The following IQGAP3 variants were observed in gnomAD, a reference collection of about 807,000 sequenced individuals.
The protein encoded by IQGAP3 is IQ motif containing GTPase activating protein 3, also known as ras GTPase-activating-like protein IQGAP3.
A neutral mutation model predicts 208.2 loss-of-function variants in IQGAP3; 165 were observed. The ratio of observed to expected loss-of-function variants is 0.79; its 90% confidence interval spans 0.70 to 0.90. The LOEUF is 0.90. Among genes scored for constraint, IQGAP3 ranks in the 40% least tolerant of loss-of-function variants. IQGAP3 has a pLI of 0.00. For missense variants in IQGAP3, 1,811 were observed against 2,043.1 expected (o/e 0.89, Z 2.19); for synonymous variants, 703 against 803.6 (o/e 0.87, Z 2.12).
chr1:156,547,446 G>T lies in IQGAP3; in HGVS notation c.2304+627C>A, dbSNP rs547084377. Among the ~76,000 whole-genome samples, 13 of 148,682 alleles carry T rather than the reference G, an allele frequency of 8.7e-5. No homozygotes were observed. In the South Asian group the frequency reaches 2.3e-3, roughly 26 times the overall value. Reference sequence around the variant, plus strand: ...ACACAGACACACACACATTTTTAGAGACAGGGTCTCGCTCTGTTGCCCATG... The same window carrying T: ...ACACAGACACACACACATTTTTAGATACAGGGTCTCGCTCTGTTGCCCATG... On this transcript the variant is annotated intron_variant, in intron 19 of 37. Coordinates refer to ENST00000361170, the MANE Select transcript of IQGAP3 (RefSeq NM_178229.5).
chr1:156,528,435 T>C, intron 36 of IQGAP3, 74 bp downstream of exon 36: 1 of 1,057,474 alleles, frequency 9.5e-7, no homozygotes, highest in Non-Finnish European at 1.4e-6. Flanking sequence ...TTCCACCCGG[T>C]GCCCAGCCCA....
At chr1:156,564,569 G>A (rs552584881) in intron 5 of IQGAP3, 46 bp downstream of exon 5, 77 of 1,240,230 alleles carry the variant, frequency 6.2e-5, no homozygotes, top group South Asian at 4.4e-4. Context: ...ATTGTTGGTC[G>A]CATCCACCTA....
intron 5 of IQGAP3, among the ~76,000 whole-genome samples, chr1:156,564,377 T>A (rs1676304114): frequency 6.6e-6 from 1 of 152,110 alleles, no homozygotes; most frequent in African/African-American, 2.4e-5. Context: ...ACCCTGCTAC[T>A]TTCCTATCTC....
At chr1:156,526,947 T>C (rs150951072) in intron 37 of IQGAP3, among the ~76,000 whole-genome samples, 1,695 of 152,022 alleles carry the variant, frequency 0.011, 38 homozygotes, top group African/African-American at 0.039. Flanking sequence ...ATTTTCCTGC[T>C]TCAGCCTCCT....
chr1:156,561,911 A>T lies in IQGAP3; in HGVS notation c.968T>A (p.Leu323Gln). 6.2e-7 allele frequency: 1 copy of T among 1,613,938 alleles called. No homozygotes were observed. Among genetic ancestry groups the T allele is most frequent in the Non-Finnish European group, 8.5e-7 (1 of 1,179,940 alleles). Residue 323 changes from leucine to glutamine, a missense_variant, in exon 10 of 38, where the codon CTG becomes CAG. Transcript: ENST00000361170. ...AGCAAAGTCTCTCCTCACCCCTCGC[A>T]GGGCCAGGGCAGGGTCTTGAAGGGC... Reference protein sequence around the residue: ...LKALQDPALALRGVRRDFADW... With the variant: ...LKALQDPALAQRGVRRDFADW...
chr1:156,533,741 A>T, intron 31 of IQGAP3, 32 bp downstream of exon 31: 1 of 1,568,602 alleles, frequency 6.4e-7, no homozygotes, highest in Non-Finnish European at 8.8e-7. Flanking sequence ...CAGGTCCCCT[A>T]GCTGGCCTCA....
Position 156,530,277 on chromosome 1 carries a change from C to A in IQGAP3, c.4232G>T (p.Cys1411Phe). Reference protein sequence around the residue: ...HKQLMSRRQACTAQTPEPLRR... With the variant: ...HKQLMSRRQAFTAQTPEPLRR... ...CAGTGGCTCCGGTGTCTGGGCTGTA[C>A]AGGCCTGGCGTCGGCTCATCAGCTG... Residue 1411 changes from cysteine (C) to phenylalanine (F), a missense_variant, in exon 34 of 38, where the codon TGT becomes TTT. Coordinates refer to ENST00000361170, the MANE Select transcript of IQGAP3 (RefSeq NM_178229.5). 1 of 1,611,628 alleles carries A rather than the reference C, an allele frequency of 6.2e-7. No homozygotes were observed. Among genetic ancestry groups the A allele is most frequent in the Non-Finnish European group, 8.5e-7 (1 of 1,179,970 alleles).
intron 32 of IQGAP3, among the ~76,000 whole-genome samples, chr1:156,532,352 A>T (rs1213848278): frequency 2.1e-5 from 3 of 145,020 alleles, no homozygotes; most frequent in African/African-American, 5.2e-5. Context: ...GTGTCACTGC[A>T]CTCCAGCCTG....
At chr1:156,546,224 G>A (rs1032214584) in intron 19 of IQGAP3, among the ~76,000 whole-genome samples, 7 of 152,122 alleles carry the variant, frequency 4.6e-5, no homozygotes, top group African/African-American at 1.4e-4. Context: ...GATCCTGGAT[G>A]GGGTTCTGGC....
At chr1:156,549,573 T>C (rs866536385) in intron 16 of IQGAP3, among the ~76,000 whole-genome samples, 16 of 151,698 alleles carry the variant, frequency 1.1e-4, no homozygotes, top group African/African-American at 3.9e-4. Context: ...GCTTCAGAGG[T>C]TGCAGTGAAT....
Position 156,556,533 on chromosome 1 carries a change from C to G in IQGAP3, c.1290G>C (p.Gly430=). 6.2e-7 allele frequency: 1 copy of G among 1,614,044 alleles called. No homozygotes were observed. The highest frequency in any genetic ancestry group is 1.1e-5 in the South Asian group (1 of 91,070). The change falls in exon 12 of 38, where the codon GGG becomes GGC. Residue 430 remains glycine, a splice_region_variant and synonymous_variant. Transcript: ENST00000361170. The part of the protein sequence containing the change: ...LELAVLQQQQ[G]ELGQEELFVA... ...CTAGACCCACATTTCTGGGGCTTAC[C>G]CCCTGCTGCTGCTGGAGCACTGCCA...
chr1:156,547,953 AACC>A (rs1215690157), intron 19 of IQGAP3, 117 bp downstream of exon 19: 1 of 879,766 alleles, frequency 1.1e-6, no homozygotes, highest in Non-Finnish European at 1.7e-6. Flanking sequence ...CTATGCTTTT[AACC>A]ACTACTATTC....
intron 9 of IQGAP3, 86 bp downstream of exon 9, chr1:156,562,501 G>C: frequency 9.1e-7 from 1 of 1,093,408 alleles, no homozygotes. Context: ...GGGCTTTCTG[G>C]CTTGAGAAAA....
At chr1:156,561,111 C>A in intron 10 of IQGAP3, 90 bp from the exon 11 acceptor site, 2 of 837,042 alleles carry the variant, frequency 2.4e-6, no homozygotes, top group Non-Finnish European at 4.1e-6. Context: ...CCAGGTCTAC[C>A]CAGCCACCTA....
chr1:156,557,300 GC>G (rs1675869165), intron 11 of IQGAP3, among the ~76,000 whole-genome samples: 1 of 7,390 alleles, frequency 1.4e-4, no homozygotes, highest in Non-Finnish European at 5.3e-3. Flanking sequence ...TGGGGGGTCA[GC>G]CCCCCGCCCG....
chr1:156,539,895 C>T lies in IQGAP3; in HGVS notation c.2835G>A (p.Leu945=), dbSNP rs1054332698. The T allele has an allele frequency of 6.2e-6, 10 of 1,614,008 alleles. No homozygotes were observed. Among genetic ancestry groups the T allele is most frequent in the African/African-American group, 4.0e-5 (3 of 74,920 alleles). Residue 945 remains leucine, a synonymous_variant, in exon 24 of 38, where the codon CTG becomes CTA. Transcript: ENST00000361170. ...VLDKQKGLKS[L]SKEKRQKLEA... is the part of the protein sequence containing the mutation. ...CTAGTTTCTGCCGTTTCTCTTTGCT[C>T]AGCGACTTTAAACCCTTCTGCTTGT...
chr1:156,527,807 T>C, intron 37 of IQGAP3, 145 bp downstream of exon 37: 1 of 611,666 alleles, frequency 1.6e-6, no homozygotes, highest in Non-Finnish European at 2.9e-6. Flanking sequence ...CCCCCACCCT[T>C]CTCTTCAGGA....
chr1:156,569,446 C>T lies in IQGAP3; in HGVS notation c.55G>A (p.Glu19Lys), dbSNP rs750137711. Residue 19 changes from glutamate (E) to lysine (K), a missense_variant, in exon 2 of 38, where the codon GAG becomes AAG. Physicochemically the swap from Glu to Lys is moderately conservative, Grantham distance 56. Transcript: ENST00000361170. ...GWAAYERLTA[E>K]EMDEQRRQNV... ...TGCCGCCTCTGCTCATCCATCTCCT[C>T]AGCTGTGAGGCGTTCATCTGAGGAG... 1.2e-6 allele frequency: 2 copies of T among 1,611,590 alleles called. No individual in the cohort carries two copies. The highest frequency in any genetic ancestry group is 1.7e-6 in the Non-Finnish European group (2 of 1,178,976).
chr1:156,538,872 G>C lies in IQGAP3; in HGVS notation c.3218C>G (p.Thr1073Arg), dbSNP rs1365495524. The C allele has an allele frequency of 6.2e-7, 1 of 1,614,074 alleles. No individual in the cohort carries two copies. The highest frequency in any genetic ancestry group is 1.3e-5 in the African/African-American group (1 of 74,928). ...VLEDKVLSVH[T>R]DPVHLYKNWI... ...GTTCTTATAGAGGTGGACAGGGTCTGTGTGGACGCTGAGCACTTTGTCTTC... is the reference window on the plus strand; with the variant it reads ...GTTCTTATAGAGGTGGACAGGGTCTCTGTGGACGCTGAGCACTTTGTCTTC... Residue 1073 changes from threonine (T) to arginine (R), a missense_variant, in exon 26 of 38, where the codon ACA (threonine) becomes AGA (arginine). Transcript: ENST00000361170.
Sources: allele counts gnomAD v4.1 joint callset (sites outside exome capture counted in the v4.1 genomes callset), GRCh38; gene constraint gnomAD v4.1.1; transcripts MANE v1.5; gene names NCBI Gene and HGNC (gene_info 2026-07-23, HGNC 2026-07-21).